RNF121: variants seen among roughly 807,000 people sequenced by gnomAD.
RNF121 encodes E3 ubiquitin ligase RNF121.
Under a neutral mutation model 46.5 loss-of-function variants are expected in RNF121, and 21 were observed. That is an observed-to-expected ratio of 0.45 (90% CI 0.32 to 0.65). RNF121 has a LOEUF of 0.65. RNF121 is among the 30% of genes least tolerant of loss of function. RNF121 has a pLI of 0.04. For missense variants in RNF121, 346 were observed against 416.0 expected (o/e 0.83, Z 1.46); for synonymous variants, 139 against 144.7 (o/e 0.96, Z 0.28).
Position 71,982,960 on chromosome 11 carries a change from A to G in RNF121, c.398+45A>G, listed in dbSNP as rs141753175. ...GAAGAGCCCAGGTTTTCCGAAGCTA[A>G]TGGGTTGGAATGCATGGGAGGAGCA... On this transcript the variant is annotated intron_variant, in intron 4 of 8. Transcript: ENST00000361756. The G allele has an allele frequency of 3.3e-4, 509 of 1,536,636 alleles. 1 individual carries two copies. In the African/African-American group the frequency reaches 6.7e-3, roughly 20 times the overall value.
chr11:71,991,246 A>T (rs1590816214), intron 6 of RNF121, among the ~76,000 whole-genome samples: 1 of 151,104 alleles, frequency 6.6e-6, no homozygotes, highest in African/African-American at 2.4e-5. Flanking sequence ...TAAAAAAAAA[A>T]TTAGCCAGAT....
chr11:71,961,422 G>A (rs916766769), intron 3 of RNF121, among the ~76,000 whole-genome samples: 8 of 152,162 alleles, frequency 5.3e-5, no homozygotes, highest in Non-Finnish European at 7.4e-5. Flanking sequence ...TTAGCCAGGC[G>A]TGGTGGCATG....
At chr11:71,973,778 ACT>A (rs1355577560) in intron 3 of RNF121, among the ~76,000 whole-genome samples, 1 of 151,954 alleles carries the variant, frequency 6.6e-6, no homozygotes, top group Non-Finnish European at 1.5e-5. Context: ...CAAGAGTGAA[ACT>A]CTGTCTCAAA....
chr11:71,949,391 T>C (rs1953808311), intron 1 of RNF121, among the ~76,000 whole-genome samples: 2 of 152,030 alleles, frequency 1.3e-5, no homozygotes, highest in African/African-American at 4.8e-5. Context: ...GCACTCCAGC[T>C]TGGGCGACAG....
chr11:71,986,878 G>A, intron 4 of RNF121, 126 bp from the exon 5 acceptor site: 1 of 631,982 alleles, frequency 1.6e-6, no homozygotes. Context: ...AACTGAAGTT[G>A]CTCAGTAAGT....
chr11:71,992,964 C>A (rs188633323), intron 6 of RNF121, among the ~76,000 whole-genome samples: 2 of 152,248 alleles, frequency 1.3e-5, no homozygotes, highest in Non-Finnish European at 2.9e-5. Context: ...GACCCCACCC[C>A]AAGAAGGAAT....
Position 71,994,614 on chromosome 11 carries a change from G to A in RNF121, c.628-105G>A. ...GTCCTCTAACTCTGGGCCTCCCGCTGCCACTGTGCCTCTTCTCTAGAAGGC... is the reference window on the plus strand; with the variant it reads ...GTCCTCTAACTCTGGGCCTCCCGCTACCACTGTGCCTCTTCTCTAGAAGGC... On this transcript the variant is annotated intron_variant, in intron 6 of 8. Transcript: ENST00000361756. 6.0e-6 allele frequency: 8 copies of A among 1,335,450 alleles called. No individual in the cohort carries two copies. The South Asian group carries it at 9.2e-5, about 15-fold the overall frequency. The allele number at this position is 1,335,450 out of a possible 1,614,324, so 82.7% of individuals were successfully genotyped here.
At chr11:71,968,301 C>G (rs1954334754) in intron 3 of RNF121, among the ~76,000 whole-genome samples, 1 of 152,178 alleles carries the variant, frequency 6.6e-6, no homozygotes, top group Non-Finnish European at 1.5e-5. Context: ...TTCAAGTGAT[C>G]AAACTGCCTC....
intron 2 of RNF121, among the ~76,000 whole-genome samples, chr11:71,958,333 T>G (rs932808186): frequency 1.3e-5 from 2 of 152,196 alleles, no homozygotes; most frequent in African/African-American, 4.8e-5. Context: ...AGGATGGTTT[T>G]GTTTTGTTTG....
chr11:71,979,393 C>T (rs1000173809), intron 3 of RNF121, among the ~76,000 whole-genome samples: 9 of 152,080 alleles, frequency 5.9e-5, no homozygotes, highest in African/African-American at 2.2e-4. Flanking sequence ...CTTCTGTCTC[C>T]CCTTTTCTCC....
chr11:71,954,109 T>C (rs577697807), intron 1 of RNF121, among the ~76,000 whole-genome samples: 1 of 152,320 alleles, frequency 6.6e-6, no homozygotes, highest in South Asian at 2.1e-4. Flanking sequence ...CCTAATTAGC[T>C]ACCTGAGCTT....
At chr11:71,960,211 T>G (rs75800455) in intron 2 of RNF121, among the ~76,000 whole-genome samples, 1 of 152,314 alleles carries the variant, frequency 6.6e-6, no homozygotes, top group African/African-American at 2.4e-5. Context: ...GTCCAGACTT[T>G]TTAGGCTTTA....
Position 71,960,961 on chromosome 11 carries a change from C to A in RNF121, c.243+70C>A, listed in dbSNP as rs1954117547. The A allele has an allele frequency of 3.3e-6, 5 of 1,528,038 alleles. No homozygotes were observed. The Admixed American group carries it at 9.5e-5, about 29-fold the overall frequency. 94.7% of individuals were successfully genotyped at this position (1,528,038 alleles called of 1,614,324 possible). A position where few individuals can be genotyped will look rare whatever the true frequency, so the allele number is the denominator to read the frequency against. ...AGACCCTTCCTAAGTATTCTAGGTC[C>A]CAGCCTAACCCAGGCCACATGGAGG... On this transcript the variant is annotated intron_variant, in intron 3 of 8. Transcript: ENST00000361756.
At chr11:71,977,295 G>A (rs999118696) in intron 3 of RNF121, among the ~76,000 whole-genome samples, 3 of 152,202 alleles carry the variant, frequency 2.0e-5, no homozygotes, top group African/African-American at 7.2e-5. Context: ...CCTGTGGACT[G>A]GAAAGGCACC....
chr11:71,987,749 A>G (rs1349213987), intron 5 of RNF121, among the ~76,000 whole-genome samples: 2 of 152,230 alleles, frequency 1.3e-5, no homozygotes, highest in Non-Finnish European at 1.5e-5. Flanking sequence ...GTCTACCTAC[A>G]TGACCGTGGT....
chr11:71,930,570 G>A (rs1204033124), intron 1 of RNF121, among the ~76,000 whole-genome samples: 1 of 152,132 alleles, frequency 6.6e-6, no homozygotes, highest in African/African-American at 2.4e-5. Context: ...GATACCAGTT[G>A]GTTGGTTAGG....
At chr11:71,961,445 C>T (rs1954131973) in intron 3 of RNF121, among the ~76,000 whole-genome samples, 1 of 152,102 alleles carries the variant, frequency 6.6e-6, no homozygotes, top group South Asian at 2.1e-4. Flanking sequence ...CCTATAGTCT[C>T]AGCTACTGGG....
In RNF121 at chr11:71,944,578, C is replaced by G. The variant is rs368220887; in HGVS notation, c.64-12649C>G. 1.5e-3 allele frequency among the ~76,000 whole-genome samples: 225 copies of G among 152,282 alleles called. 2 individuals are homozygous for G. The highest frequency in any genetic ancestry group is 4.2e-3 in the African/African-American group (174 of 41,546). ...GCAGAGGAAGGTAAAACTGGAAAGACAGCTAGGGGTCAGGTCATGGCCTTG... is the reference window on the plus strand; with the variant it reads ...GCAGAGGAAGGTAAAACTGGAAAGAGAGCTAGGGGTCAGGTCATGGCCTTG... On this transcript the variant is annotated intron_variant, in intron 1 of 8. Transcript: ENST00000361756.
At chr11:71,983,087 G>A (rs946664919) in intron 4 of RNF121, 172 bp downstream of exon 4, 15 of 464,814 alleles carry the variant, frequency 3.2e-5, no homozygotes, top group African/African-American at 1.8e-4. Flanking sequence ...CCTATTTATC[G>A]ATTAAAAACC....
Sources: gnomAD v4.1 joint callset for allele counts (sites outside exome capture counted in the v4.1 genomes callset) on GRCh38, gnomAD v4.1.1 for gene constraint, MANE v1.5 for transcripts, NCBI Gene and HGNC (gene_info 2026-07-23, HGNC 2026-07-21) for gene names.